Variants in NTN1 observed in about 807,000 individuals in gnomAD.
NTN1 encodes netrin 1.
A neutral mutation model predicts 54.2 loss-of-function variants in NTN1; 11 were observed. The ratio of observed to expected loss-of-function variants is 0.20; its 90% CI spans 0.13 to 0.34. The LOEUF (loss-of-function observed/expected upper bound fraction) is 0.34. NTN1 is among the 10% of genes least tolerant of loss of function. NTN1 has a pLI of 1.00. For missense variants in NTN1, 740 were observed against 893.1 expected (o/e 0.83, Z 2.18); for synonymous variants, 371 against 382.0 (o/e 0.97, Z 0.33).
chr17:9,161,200 C>T (rs1422608011), intron 2 of NTN1, among the ~76,000 whole-genome samples: 1 of 151,928 alleles, frequency 6.6e-6, no homozygotes, highest in Admixed American at 6.6e-5. Context: ...TGGGGTGGAG[C>T]GGGGCTGGGA....
chr17:9,085,487 G>A (rs1284351845), intron 2 of NTN1, among the ~76,000 whole-genome samples: 2 of 152,196 alleles, frequency 1.3e-5, no homozygotes, highest in Admixed American at 1.3e-4. Context: ...ATGGTCTCTC[G>A]CTGGGTGACC....
chr17:9,175,134 T>C (rs1338104490), intron 3 of NTN1: 1 of 152,230 alleles, frequency 6.6e-6, no homozygotes, highest in African/African-American at 2.4e-5. Flanking sequence ...GGTGCCAGGC[T>C]CAGGAGTGTG....
chr17:9,144,816 T>G (rs2092308578), intron 2 of NTN1, among the ~76,000 whole-genome samples: 1 of 152,218 alleles, frequency 6.6e-6, no homozygotes, highest in Admixed American at 6.5e-5. Context: ...ATCCCGCTGT[T>G]TCAGCCTGTT....
intron 2 of NTN1, among the ~76,000 whole-genome samples, chr17:9,080,042 G>C (rs1168502701): frequency 6.6e-6 from 1 of 151,768 alleles, no homozygotes; most frequent in African/African-American, 2.4e-5. Flanking sequence ...TCCTGGCCCT[G>C]GAGGAACTGG....
At chr17:9,236,804 G>A (rs1450515304) in intron 6 of NTN1, among the ~76,000 whole-genome samples, 1 of 152,236 alleles carries the variant, frequency 6.6e-6, no homozygotes, top group African/African-American at 2.4e-5. Context: ...TCAGGACCGT[G>A]TGGCAGTGCC....
At chr17:9,156,833 G>A (rs2092343834) in intron 2 of NTN1, among the ~76,000 whole-genome samples, 1 of 152,114 alleles carries the variant, frequency 6.6e-6, no homozygotes, top group African/African-American at 2.4e-5. Context: ...TCCTCTATCT[G>A]CCCTACCTGT....
intron 2 of NTN1, among the ~76,000 whole-genome samples, chr17:9,113,333 T>C (rs2092198974): frequency 6.6e-6 from 1 of 152,116 alleles, no homozygotes; most frequent in Admixed American, 6.5e-5. Flanking sequence ...GTATACGGTA[T>C]TTTTAAAGCA....
chr17:9,168,580 G>A (rs2092379355), intron 3 of NTN1, among the ~76,000 whole-genome samples: 1 of 152,102 alleles, frequency 6.6e-6, no homozygotes. Context: ...CTTAGCTAGT[G>A]TAGCCTGATT....
intron 2 of NTN1, among the ~76,000 whole-genome samples, chr17:9,106,451 TCCTTCCTTCCTTCCTC>T (rs1322778489): frequency 0.033 from 4,352 of 130,478 alleles, 146 homozygotes; most frequent in Non-Finnish European, 0.052. Flanking sequence ...AAATGGCATT[TCCTTCCTTCCTTCCTC>T]CCTTCCTTCC....
At position 9,118,855 on chromosome 17, in the gene NTN1, T is replaced by C. The variant is rs2092223432; in HGVS notation, c.1019-43958T>C. Among the ~76,000 whole-genome samples the C allele has an allele frequency of 2.6e-5, 4 of 152,264 alleles. No individual in the cohort carries two copies. In the South Asian group the frequency reaches 8.3e-4, roughly 31 times the overall value. On this transcript the variant is annotated intron_variant, in intron 2 of 6. Transcript: ENST00000173229. ...TTTATTCCTTTTCATTGCTGAGTAATATTCCATTGTAGAGATATATTGCAT... is the reference window on the plus strand; with the variant it reads ...TTTATTCCTTTTCATTGCTGAGTAACATTCCATTGTAGAGATATATTGCAT...
the NTN1 span, among the ~76,000 whole-genome samples, chr17:9,005,458 C>T: frequency 2.0e-5 from 3 of 151,962 alleles, no homozygotes; most frequent in East Asian, 5.8e-4. Context: ...ACACACCCTC[C>T]CTCCTCCTCC....
intron 2 of NTN1, among the ~76,000 whole-genome samples, chr17:9,104,088 CAAAAAA>C (rs55732200): frequency 0.22 from 15,519 of 70,572 alleles, 986 homozygotes; most frequent in South Asian, 0.31. Flanking sequence ...GACTCCATCT[CAAAAAA>C]AAAAAAAAAA....
At chr17:9,226,058 G>A (rs1285771806) in intron 6 of NTN1, among the ~76,000 whole-genome samples, 2 of 151,896 alleles carry the variant, frequency 1.3e-5, no homozygotes, top group Non-Finnish European at 2.9e-5. Flanking sequence ...GTGGGCTCGG[G>A]GCGCCGGCCC....
At chr17:9,080,416 A>G (rs1318596820) in intron 2 of NTN1, among the ~76,000 whole-genome samples, 2 of 152,178 alleles carry the variant, frequency 1.3e-5, no homozygotes. Context: ...CCAGTTATCC[A>G]TCTCTGTTCC....
chr17:9,155,522 G>A (rs2092339125), intron 2 of NTN1, among the ~76,000 whole-genome samples: 1 of 151,944 alleles, frequency 6.6e-6, no homozygotes, highest in Non-Finnish European at 1.5e-5. Context: ...GTATTTTTTA[G>A]TAGAGACGGG....
intron 2 of NTN1, among the ~76,000 whole-genome samples, chr17:9,137,802 A>T (rs1324046963): frequency 3.9e-5 from 6 of 152,142 alleles, no homozygotes; most frequent in Non-Finnish European, 7.4e-5. Flanking sequence ...TCAAAAAAAA[A>T]AAAATAAAAC....
At position 9,023,323 on chromosome 17, in the gene NTN1, G is replaced by A; in HGVS notation, c.950G>A (p.Arg317His). The change falls in exon 2 of 7, where the codon CGC (arginine) becomes CAC (histidine). Residue 317 changes from arginine (R) to histidine (H), a missense_variant. By Grantham distance (29) the Arg-to-His change is conservative (BLOSUM62 0). Transcript: ENST00000173229. ...RHNTAGPECD[R>H]CKPFHYDRPW... Reference sequence around the variant, plus strand: ...AACACGGCCGGCCCGGAGTGCGACCGCTGCAAGCCCTTCCACTACGACCGG... The same window carrying A: ...AACACGGCCGGCCCGGAGTGCGACCACTGCAAGCCCTTCCACTACGACCGG... The A allele has an allele frequency of 6.5e-7, 1 of 1,529,632 alleles. No individual in the cohort carries two copies. Among genetic ancestry groups the A allele is most frequent in the Non-Finnish European group, 8.8e-7 (1 of 1,138,928 alleles). The allele number at this position is 1,529,632 out of a possible 1,614,324, so 94.8% of individuals were successfully genotyped here.
At chr17:9,026,486 C>G (rs1328196267) in intron 2 of NTN1, among the ~76,000 whole-genome samples, 1 of 151,674 alleles carries the variant, frequency 6.6e-6, no homozygotes, top group Non-Finnish European at 1.5e-5. Context: ...TAACTAAATA[C>G]TTTCTTCCGC....
At chr17:9,147,252 A>G (rs2011988) in intron 2 of NTN1, among the ~76,000 whole-genome samples, 105,013 of 152,210 alleles carry the variant, frequency 0.69, 38,092 homozygotes, top group East Asian at 1. Context: ...AAGAATATTA[A>G]CAAGGCCATT....
Sources: allele counts gnomAD v4.1 joint callset (sites outside exome capture counted in the v4.1 genomes callset), GRCh38; gene constraint gnomAD v4.1.1; transcripts MANE v1.5; gene names NCBI Gene and HGNC (gene_info 2026-07-23, HGNC 2026-07-21).